DISP1: variants seen among roughly 807,000 people sequenced by gnomAD.
DISP1 encodes the protein protein dispatched homolog 1.
DISP1 carries 30 observed loss-of-function variants against 37.3 expected under a neutral mutation model. The observed-to-expected ratio is 0.80, with a 90% CI of 0.60 to 1.09. DISP1 has a LOEUF of 1.09. Ranked by LOEUF, DISP1 falls within the 50% of genes least tolerant of loss-of-function variation. The pLI is 0.00. For synonymous variants in DISP1, 634 were observed against 690.2 expected (o/e 0.92, Z 1.28); for missense variants, 1,598 against 1,879.5 (o/e 0.85, Z 2.77).
chr1:222,848,353 C>G (rs1177118111), intron 1 of DISP1, among the ~76,000 whole-genome samples: 1 of 151,910 alleles, frequency 6.6e-6, no homozygotes, highest in Non-Finnish European at 1.5e-5. Context: ...GTATTAGCGA[C>G]TATTAGCATC....
At chr1:222,984,435 T>TATATATATATATATAGAGAGAGAG in intron 4 of DISP1, among the ~76,000 whole-genome samples, 2 of 108,372 alleles carry the variant, frequency 1.8e-5, no homozygotes, top group South Asian at 3.2e-4. Flanking sequence ...TATATATATA[T>TATATATATATATATAGAGAGAGAG]AGAGAGAGAG....
intron 1 of DISP1, among the ~76,000 whole-genome samples, chr1:222,850,222 G>A (rs150961106): frequency 6.6e-6 from 1 of 151,990 alleles, no homozygotes; most frequent in Non-Finnish European, 1.5e-5. Context: ...TTTTCCTTGT[G>A]CATTTTCCCT....
At chr1:222,980,805 C>A (rs1677777894) in intron 3 of DISP1, among the ~76,000 whole-genome samples, 1 of 152,212 alleles carries the variant, frequency 6.6e-6, no homozygotes, top group Non-Finnish European at 1.5e-5. Flanking sequence ...AAGTTCTTGG[C>A]TGGGCACAGT....
chr1:222,822,821 T>G (rs1386797740), intron 1 of DISP1, among the ~76,000 whole-genome samples: 1 of 152,216 alleles, frequency 6.6e-6, no homozygotes, highest in African/African-American at 2.4e-5. Flanking sequence ...TCTTAAAATC[T>G]CCTCCTTTTC....
chr1:222,930,503 CTTATT>C (rs1673327074), intron 2 of DISP1, among the ~76,000 whole-genome samples: 2 of 151,992 alleles, frequency 1.3e-5, no homozygotes, highest in Non-Finnish European at 2.9e-5. Flanking sequence ...TTTCTATTCT[CTTATT>C]TTAATCAGTA....
At chr1:222,816,551 T>C (rs1661285740) in intron 1 of DISP1, among the ~76,000 whole-genome samples, 1 of 152,212 alleles carries the variant, frequency 6.6e-6, no homozygotes. Flanking sequence ...AGATCTGATT[T>C]GGTGGTCTGA....
chr1:222,977,608 A>C (rs935533252), intron 3 of DISP1, among the ~76,000 whole-genome samples: 2 of 149,430 alleles, frequency 1.3e-5, no homozygotes, highest in African/African-American at 2.5e-5. Flanking sequence ...ATATGTATAC[A>C]TGTGCCATGT....
intron 1 of DISP1, among the ~76,000 whole-genome samples, chr1:222,863,692 T>C (rs906578367): frequency 6.6e-5 from 10 of 152,188 alleles, no homozygotes; most frequent in African/African-American, 2.4e-4. Flanking sequence ...TCCCTTTATT[T>C]TTTATTTATA....
chr1:222,950,371 C>T (rs1481305014), intron 3 of DISP1, among the ~76,000 whole-genome samples: 1 of 152,162 alleles, frequency 6.6e-6, no homozygotes, highest in African/African-American at 2.4e-5. Flanking sequence ...GAAGCCGAGG[C>T]AGGCGGATCA....
chr1:222,866,742 A>C (rs1669215308), intron 1 of DISP1, among the ~76,000 whole-genome samples: 1 of 152,184 alleles, frequency 6.6e-6, no homozygotes, highest in African/African-American at 2.4e-5. Context: ...TATAACCTAA[A>C]GGTAGTTATG....
At chr1:222,957,772 A>G (rs1272151742) in intron 3 of DISP1, among the ~76,000 whole-genome samples, 1 of 152,198 alleles carries the variant, frequency 6.6e-6, no homozygotes. Flanking sequence ...CCAGTCTTAG[A>G]TAACACAATT....
chr1:222,916,298 G>A (rs1213700226), intron 1 of DISP1, among the ~76,000 whole-genome samples: 1 of 152,176 alleles, frequency 6.6e-6, no homozygotes, highest in African/African-American at 2.4e-5. Flanking sequence ...CTCTCTTCTT[G>A]TGTTTACACT....
chr1:222,919,601 C>T (rs1160792132), intron 1 of DISP1, among the ~76,000 whole-genome samples: 1 of 152,196 alleles, frequency 6.6e-6, no homozygotes, highest in African/African-American at 2.4e-5. Context: ...TCGTTCAGTC[C>T]TGTGGTAACC....
chr1:222,835,956 A>AG (rs72206893), intron 1 of DISP1, among the ~76,000 whole-genome samples: 2 of 43,472 alleles, frequency 4.6e-5, no homozygotes, highest in Non-Finnish European at 1.1e-4. Flanking sequence ...CTCTTGTCTC[A>AG]AAAAAAAAAA....
At chr1:222,873,606 T>C (rs1230181520) in intron 1 of DISP1, among the ~76,000 whole-genome samples, 4 of 152,208 alleles carry the variant, frequency 2.6e-5, no homozygotes, top group African/African-American at 9.6e-5. Flanking sequence ...CCCCTGCCTT[T>C]TTTTGTTTTC....
rs112159698 is a variant in DISP1, at chr1:222,983,341, G to A, written c.539+232G>A. 9.9e-3 allele frequency among the ~76,000 whole-genome samples: 1,505 copies of A among 152,262 alleles called. 26 individuals are homozygous for A. Among genetic ancestry groups the A allele is most frequent in the African/African-American group, 0.034 (1,421 of 41,546 alleles). ...TAAATTCTATTTGTGTCTAGGGCTA[G>A]GTGCAGTGGCTCATGCTTGTAATCC... On this transcript the variant is annotated intron_variant, in intron 4 of 8. Coordinates refer to ENST00000675850, the MANE Select transcript of DISP1 (RefSeq NM_001377229.1).
intron 3 of DISP1, chr1:222,945,981 A>G (rs1276508252): frequency 6.6e-6 from 1 of 152,222 alleles, no homozygotes; most frequent in Non-Finnish European, 1.5e-5. Flanking sequence ...TTTGAAAAAC[A>G]TTAACTTTAA....
intron 1 of DISP1, among the ~76,000 whole-genome samples, chr1:222,874,114 T>C (rs1337909774): frequency 5.3e-5 from 8 of 152,184 alleles, no homozygotes; most frequent in Non-Finnish European, 1.2e-4. Flanking sequence ...AGACTCTCTT[T>C]TGGCTTGTAG....
intron 5 of DISP1, 32 bp from the exon 6 acceptor site, chr1:222,991,488 T>A (rs1019351784): frequency 2.5e-6 from 4 of 1,613,078 alleles, no homozygotes; most frequent in Non-Finnish European, 3.4e-6. Context: ...TGAAATGAAA[T>A]ATACTAATGA....
Sources: gnomAD v4.1 joint callset for allele counts (sites outside exome capture counted in the v4.1 genomes callset) on GRCh38, gnomAD v4.1.1 for gene constraint, MANE v1.5 for transcripts, NCBI Gene and HGNC (gene_info 2026-07-23, HGNC 2026-07-21) for gene names.